PRKAA1: variants seen among roughly 807,000 people sequenced by gnomAD.
PRKAA1 encodes 5'-AMP-activated protein kinase catalytic subunit alpha-1.
A neutral mutation model predicts 56.9 loss-of-function variants in PRKAA1; 23 were observed. That is an observed-to-expected ratio of 0.40 (90% confidence interval 0.29 to 0.57). PRKAA1 has a LOEUF of 0.57. PRKAA1 is among the 20% of genes least tolerant of loss of function. The probability of loss-of-function intolerance (pLI) is 0.39; values close to 1 mark genes in which losing one functional copy is unlikely to be tolerated. For missense variants in PRKAA1, 413 were observed against 679.7 expected, an observed-to-expected ratio of 0.61 and a Z score of 4.36; for synonymous variants, 226 against 227.0, an observed-to-expected ratio of 1.00 and a Z score of 0.04.
At chr5:40,797,609 G>C (rs551676257) in intron 1 of PRKAA1, among the ~76,000 whole-genome samples, 1 of 152,330 alleles carries the variant, frequency 6.6e-6, no homozygotes, top group South Asian at 2.1e-4. Context: ...GCCTCCTACA[G>C]AGGACGGAAA....
chr5:40,788,980 G>A (rs1744610022), intron 1 of PRKAA1, among the ~76,000 whole-genome samples: 1 of 152,160 alleles, frequency 6.6e-6, no homozygotes, highest in African/African-American at 2.4e-5. Flanking sequence ...GGAGGCCGAC[G>A]CGGGTGGATC....
At chr5:40,785,220 C>G (rs1431168287) in intron 1 of PRKAA1, among the ~76,000 whole-genome samples, 2 of 152,256 alleles carry the variant, frequency 1.3e-5, no homozygotes, top group African/African-American at 4.8e-5. Context: ...TAGGATTCCA[C>G]AGACATTTTA....
intron 1 of PRKAA1, among the ~76,000 whole-genome samples, chr5:40,795,472 G>A (rs886091155): frequency 1.3e-5 from 2 of 152,110 alleles, no homozygotes; most frequent in Non-Finnish European, 2.9e-5. Context: ...CAAAGGGTGG[G>A]TCATACTCCT....
chr5:40,762,733 T>C lies in PRKAA1; in HGVS notation c.*45A>G, dbSNP rs1317070865. 5 of 1,603,280 alleles carry C rather than the reference T, an allele frequency of 3.1e-6. No homozygotes were observed. The highest frequency in any genetic ancestry group is 3.4e-5 in the Admixed American group (2 of 59,422). On this transcript the variant is annotated 3_prime_UTR_variant, in exon 9 of 9. Transcript: ENST00000397128. ...AATGGAAGCATTTGGCTGTGACTTA[T>C]TATGCATGCTTATTGCTGCAAAAGA...
intron 4 of PRKAA1, among the ~76,000 whole-genome samples, chr5:40,771,248 G>A (rs1385372534): frequency 6.6e-6 from 1 of 152,220 alleles, no homozygotes; most frequent in Non-Finnish European, 1.5e-5. Context: ...GTGCACACCT[G>A]TAATCCCAAT....
intron 1 of PRKAA1, among the ~76,000 whole-genome samples, chr5:40,783,529 G>A (rs1744349321): frequency 6.6e-6 from 1 of 152,142 alleles, no homozygotes; most frequent in Non-Finnish European, 1.5e-5. Flanking sequence ...AGGACGAGGT[G>A]GGTGGATCAC....
At chr5:40,776,694 T>C (rs1744018891) in intron 2 of PRKAA1, among the ~76,000 whole-genome samples, 1 of 152,268 alleles carries the variant, frequency 6.6e-6, no homozygotes, top group Non-Finnish European at 1.5e-5. Flanking sequence ...GTAAGATTAC[T>C]GCCCTTTTGA....
intron 3 of PRKAA1, among the ~76,000 whole-genome samples, chr5:40,773,560 A>C (rs1246066234): frequency 3.9e-5 from 6 of 152,240 alleles, no homozygotes; most frequent in African/African-American, 1.4e-4. Flanking sequence ...CAAAAAGAAC[A>C]AAAGAGACAG....
At chr5:40,766,317 A>G (rs1374010285) in intron 6 of PRKAA1, among the ~76,000 whole-genome samples, 1 of 152,160 alleles carries the variant, frequency 6.6e-6, no homozygotes, top group African/African-American at 2.4e-5. Context: ...TCCTAGATCC[A>G]TATCTGATTT....
intron 1 of PRKAA1, among the ~76,000 whole-genome samples, chr5:40,793,794 T>C (rs539008497): frequency 1.3e-4 from 20 of 152,200 alleles, no homozygotes; most frequent in Non-Finnish European, 2.5e-4. Context: ...CCCCACACTA[T>C]CCAAGTACTT....
intron 3 of PRKAA1, chr5:40,774,840 T>G: frequency 3.0e-5 from 33 of 1,097,324 alleles, no homozygotes; most frequent in Non-Finnish European, 3.8e-5. Context: ...AGGGCAGTGT[T>G]GAGTTTTTGT....
At chr5:40,796,023 G>A (rs920140708) in intron 1 of PRKAA1, among the ~76,000 whole-genome samples, 4 of 152,228 alleles carry the variant, frequency 2.6e-5, no homozygotes, top group East Asian at 1.9e-4. Flanking sequence ...TAGCAAATAC[G>A]AAAACAGACC....
chr5:40,781,801 A>G (rs778544241), intron 1 of PRKAA1, among the ~76,000 whole-genome samples: 3 of 152,178 alleles, frequency 2.0e-5, no homozygotes, highest in African/African-American at 7.2e-5. Context: ...ATGGGGGTGT[A>G]GTATGAAATG....
chr5:40,780,042 T>A (rs1744201112), intron 1 of PRKAA1, among the ~76,000 whole-genome samples: 1 of 152,212 alleles, frequency 6.6e-6, no homozygotes, highest in Non-Finnish European at 1.5e-5. Context: ...CCTGATTGAA[T>A]AATTTGGCAG....
At chr5:40,790,221 AT>A (rs1744659175) in intron 1 of PRKAA1, 1 of 152,230 alleles carries the variant, frequency 6.6e-6, no homozygotes, top group Admixed American at 6.5e-5. Flanking sequence ...TTTCTAAACT[AT>A]GATATTCACC....
Position 40,764,957 on chromosome 5 carries a change from G to A in PRKAA1, c.1103C>T (p.Thr368Ile), listed in dbSNP as rs1261488694. ...TGGTACTCTTTCAGGATGGGGCCGAGTCAGGTGATGATCATCAAGAAAAGA... is the reference window on the plus strand; with the variant it reads ...TGGTACTCTTTCAGGATGGGGCCGAATCAGGTGATGATCATCAAGAAAAGA... ...PDSFLDDHHL[T>I]RPHPERVPFL... Residue 368 changes from threonine (T) to isoleucine (I), a missense_variant, in exon 7 of 9, where the codon ACT becomes ATT. Thr to Ile is a moderately conservative substitution (Grantham distance 89, BLOSUM62 -1). Transcript: ENST00000397128. 6 of 1,614,204 alleles carry A rather than the reference G, an allele frequency of 3.7e-6. No individual in the cohort carries two copies. Among genetic ancestry groups the A allele is most frequent in the African/African-American group, 1.3e-5 (1 of 75,050 alleles).
At chr5:40,779,062 G>A (rs777535978) in intron 1 of PRKAA1, among the ~76,000 whole-genome samples, 12 of 151,424 alleles carry the variant, frequency 7.9e-5, no homozygotes, top group Non-Finnish European at 1.5e-4. Flanking sequence ...ACTTCCCAAA[G>A]TGCTAGGATT....
intron 3 of PRKAA1, chr5:40,775,061 C>T (rs552434725): frequency 4.0e-5 from 39 of 970,344 alleles, no homozygotes; most frequent in African/African-American, 3.8e-4. Context: ...TATTTTGTAA[C>T]GATTAATTAC....
rs1489129414 is a variant in PRKAA1, at chr5:40,764,580, T to G, written c.1369A>C (p.Lys457Gln). The change falls in exon 8 of 9, where the codon AAA becomes CAA. Residue 457 changes from lysine to glutamine, a missense_variant. Around this residue, in one of 9 missense-constraint regions of PRKAA1, gnomAD observed 139 missense variants for 171.5 expected, o/e 0.81. Coordinates refer to ENST00000397128, the MANE Select transcript of PRKAA1 (RefSeq NM_006251.6). ...ACTTGGTATAACTGTAGACTCATTT[T>G]GGAGTAAGTGCTTGTCACAGGATTC... ...RKNPVTSTYS[K>Q]MSLQLYQVDS... 1.9e-6 allele frequency: 3 copies of G among 1,613,628 alleles called. No homozygotes were observed. Among genetic ancestry groups the G allele is most frequent in the Non-Finnish European group, 2.5e-6 (3 of 1,179,668 alleles).
Sources: allele counts gnomAD v4.1 joint callset (sites outside exome capture counted in the v4.1 genomes callset), GRCh38; gene constraint gnomAD v4.1.1; regional missense constraint gnomAD v4.1.1; transcripts MANE v1.5; gene names NCBI Gene and HGNC (gene_info 2026-07-23, HGNC 2026-07-21).